The following TLN2 variants were observed in gnomAD, a reference collection of about 807,000 sequenced individuals.
TLN2 encodes talin 2.
A neutral mutation model predicts 294.7 loss-of-function variants in TLN2; 118 were observed. The ratio of observed to expected loss-of-function variants is 0.40; its 90% confidence interval spans 0.34 to 0.47. TLN2 has a LOEUF of 0.47. Among genes scored for constraint, TLN2 ranks in the 20% least tolerant of loss-of-function variants. TLN2 has a pLI of 0.84. For missense variants in TLN2, 3,083 were observed against 3,282.2 expected (o/e 0.94, Z 1.48); for synonymous variants, 1,431 against 1,304.5 (o/e 1.10, Z -2.09).
chr15:62,656,096 T>C lies in TLN2; in HGVS notation c.660+10T>C, dbSNP rs1275640468. On this transcript the variant is annotated intron_variant, in intron 8 of 58. Transcript: ENST00000636159. ...CTTGCTTTATGTTCAGGTACAGTATTTACTGCTCAGACACTGAGGTTGGTG... is the reference window on the plus strand; with the variant it reads ...CTTGCTTTATGTTCAGGTACAGTATCTACTGCTCAGACACTGAGGTTGGTG... The C allele has an allele frequency of 6.2e-7, 1 of 1,613,402 alleles. No individual in the cohort carries two copies. Among genetic ancestry groups the C allele is most frequent in the African/African-American group, 1.3e-5 (1 of 75,038 alleles).
intron 3 of TLN2, among the ~76,000 whole-genome samples, chr15:62,629,149 C>T (rs573458244): frequency 1.1e-4 from 16 of 152,240 alleles, no homozygotes; most frequent in Admixed American, 2.0e-4. Flanking sequence ...GCCATGATCA[C>T]GCCACCACAC....
intron 1 of TLN2, among the ~76,000 whole-genome samples, chr15:62,397,349 C>G (rs530942111): frequency 1.1e-3 from 167 of 152,264 alleles, no homozygotes; most frequent in African/African-American, 3.8e-3. Context: ...CCTCAAACTC[C>G]CGGGCTCAAG....
intron 1 of TLN2, among the ~76,000 whole-genome samples, chr15:62,561,189 A>G (rs74022610): frequency 0.015 from 2,249 of 152,342 alleles, 63 homozygotes; most frequent in African/African-American, 0.052. Context: ...AATCAAGGAA[A>G]GGAATTCCAA....
chr15:62,744,006 C>A (rs561054596), intron 32 of TLN2, among the ~76,000 whole-genome samples: 1 of 152,156 alleles, frequency 6.6e-6, no homozygotes, highest in Non-Finnish European at 1.5e-5. Context: ...GCAGCACAAA[C>A]GAGAAGAGTG....
intron 2 of TLN2, among the ~76,000 whole-genome samples, chr15:62,597,426 T>C (rs886918405): frequency 2.6e-4 from 40 of 152,350 alleles, no homozygotes; most frequent in African/African-American, 9.1e-4. Flanking sequence ...CAGTGGAGTA[T>C]GTTTAAATGG....
At position 62,825,741 on chromosome 15, in the gene TLN2, T is replaced by TTATATA. The variant is rs1390420839; in HGVS notation, c.7002+5131_7002+5132insTATATA. On this transcript the variant is annotated intron_variant, in intron 54 of 58. Coordinates refer to ENST00000636159, the MANE Select transcript of TLN2 (RefSeq NM_015059.3). ...AAATATATATAAAAATATATTTTTA[T>TTATATA]ATATATTAAATATAATTATAATTAT... Among the ~76,000 whole-genome samples the TTATATA allele has an allele frequency of 2.4e-4, 27 of 111,776 alleles. 4 individuals are homozygous for TTATATA. The highest frequency in any genetic ancestry group is 1.1e-3 in the African/African-American group (26 of 23,504). 73.3% of individuals were successfully genotyped at this position (111,776 alleles called of 152,430 possible). A position where few individuals can be genotyped will look rare whatever the true frequency, so the allele number is the denominator to read the frequency against.
chr15:62,567,673 A>G (rs2043521530), intron 1 of TLN2, among the ~76,000 whole-genome samples: 1 of 152,172 alleles, frequency 6.6e-6, no homozygotes, highest in African/African-American at 2.4e-5. Flanking sequence ...CGTGTCTACT[A>G]AAACTACAAA....
chr15:62,724,829 C>T, intron 26 of TLN2, 147 bp from the exon 27 acceptor site: 2 of 1,045,688 alleles, frequency 1.9e-6, no homozygotes, highest in Non-Finnish European at 2.6e-6. Flanking sequence ...TTTGTTCTCT[C>T]AGAAAAAATA....
In TLN2 at chr15:62,820,545, G is replaced by T. The variant is rs2067474953; in HGVS notation, c.6937G>T (p.Ala2313Ser). 1 of 1,614,006 alleles carries T rather than the reference G, an allele frequency of 6.2e-7. No individual in the cohort carries two copies. Among genetic ancestry groups the T allele is most frequent in the East Asian group, 2.2e-5 (1 of 44,876 alleles). The change falls in exon 54 of 59, where the codon GCT becomes TCT. Residue 2313 changes from alanine to serine, a missense_variant. By Grantham distance (99) the Ala-to-Ser change is moderately conservative. Coordinates refer to ENST00000636159, the MANE Select transcript of TLN2 (RefSeq NM_015059.3). ...CATTGCAGAAACAGAGTTACTGGGG[G>T]CTGCAGCATCCATCGAAGCTGCTGC... ...TVIAETELLGAAASIEAAAKK... is the reference protein window; with the variant it reads ...TVIAETELLGSAASIEAAAKK...
intron 45 of TLN2, among the ~76,000 whole-genome samples, chr15:62,790,344 G>A (rs771760769): frequency 2.2e-4 from 34 of 152,192 alleles, no homozygotes; most frequent in Non-Finnish European, 1.5e-4. Flanking sequence ...AGAGGGAGAG[G>A]AAGGGTTCTG....
intron 35 of TLN2, among the ~76,000 whole-genome samples, chr15:62,752,643 C>T (rs2062000111): frequency 6.6e-6 from 1 of 152,198 alleles, no homozygotes; most frequent in Non-Finnish European, 1.5e-5. Context: ...CATGGCAAGA[C>T]TCAGTACAGA....
intron 19 of TLN2, among the ~76,000 whole-genome samples, chr15:62,703,957 G>C (rs544056484): frequency 6.6e-6 from 1 of 152,296 alleles, no homozygotes; most frequent in South Asian, 2.1e-4. Context: ...TGGTGGGCCA[G>C]TGCCCTTTAC....
chr15:62,596,264 C>CAAAAAAAAAAAA (rs71129015), intron 2 of TLN2, among the ~76,000 whole-genome samples: 1 of 81,680 alleles, frequency 1.2e-5, no homozygotes, highest in South Asian at 5.0e-4. Flanking sequence ...GACTCCATCT[C>CAAAAAAAAAAAA]AAAAAAAAAA....
chr15:62,776,881 G>T lies in TLN2; in HGVS notation c.5485G>T (p.Val1829Leu). ...ASEVGLVGGM[V>L]DAIAEAMSKL... ...TGAAGTGGGGCTGGTTGGGGGCATG[G>T]TGGACGCCATTGCAGAAGCCATGAG... The change falls in exon 43 of 59, where the codon GTG (valine) becomes TTG (leucine). Residue 1829 changes from valine to leucine, a missense_variant. Transcript: ENST00000636159. 1 of 1,590,070 alleles carries T rather than the reference G, an allele frequency of 6.3e-7. No individual in the cohort carries two copies. Among genetic ancestry groups the T allele is most frequent in the Non-Finnish European group, 8.6e-7 (1 of 1,167,664 alleles).
At position 62,717,650 on chromosome 15, in the gene TLN2, G is replaced by T; in HGVS notation, c.2838G>T (p.Lys946Asn). 6.2e-7 allele frequency: 1 copy of T among 1,604,578 alleles called. No homozygotes were observed. The highest frequency in any genetic ancestry group is 1.1e-5 in the South Asian group (1 of 88,942). ...AASQNAAVSN[K>N]NPAAQQQLVQ... is the part of the protein sequence containing the mutation. ...CCCAGAATGCAGCTGTTTCCAACAA[G>T]AACCCTGCGGCCCAGCAGCAGCTGG... The change falls in exon 24 of 59, where the codon AAG becomes AAT. Residue 946 changes from lysine (K) to asparagine (N), a missense_variant. Coordinates refer to ENST00000636159, the MANE Select transcript of TLN2 (RefSeq NM_015059.3).
At chr15:62,835,646 A>C in intron 55 of TLN2, 91 bp from the exon 56 acceptor site, 1 of 1,441,402 alleles carries the variant, frequency 6.9e-7, no homozygotes, top group South Asian at 1.1e-5. Flanking sequence ...GCGGGGTACA[A>C]GTCTGGTTCC....
chr15:62,565,414 C>G (rs1034222142), intron 1 of TLN2, among the ~76,000 whole-genome samples: 1 of 151,486 alleles, frequency 6.6e-6, no homozygotes, highest in Non-Finnish European at 1.5e-5. Context: ...ATCTATGACA[C>G]AAATTTAAGG....
At chr15:62,611,231 G>T (rs149515920) in intron 2 of TLN2, among the ~76,000 whole-genome samples, 1 of 152,154 alleles carries the variant, frequency 6.6e-6, no homozygotes, top group Non-Finnish European at 1.5e-5. Flanking sequence ...AGAAAAAAAT[G>T]TTTAAGCTGG....
At chr15:62,635,912 C>T (rs2050330491) in intron 3 of TLN2, among the ~76,000 whole-genome samples, 1 of 152,102 alleles carries the variant, frequency 6.6e-6, no homozygotes, top group African/African-American at 2.4e-5. Flanking sequence ...TTTTAAACAG[C>T]ACACGTTAGG....
Sources: gnomAD v4.1 joint callset for allele counts (sites outside exome capture counted in the v4.1 genomes callset) on GRCh38, gnomAD v4.1.1 for gene constraint, MANE v1.5 for transcripts, NCBI Gene and HGNC (gene_info 2026-07-23, HGNC 2026-07-21) for gene names.